LRP1B: variants seen among roughly 807,000 people sequenced by gnomAD.
LRP1B encodes LDL receptor related protein 1B.
LRP1B carries 217 observed loss-of-function variants against 556.6 expected under a neutral mutation model. That is an observed-to-expected ratio of 0.39 (90% CI 0.35 to 0.44). The LOEUF is 0.44. Among genes scored for constraint, LRP1B ranks in the 20% least tolerant of loss-of-function variants. The pLI is 1.00. For synonymous variants in LRP1B, 2,047 were observed against 1,865.8 expected (o/e 1.10, Z -2.50); for missense variants, 5,053 against 5,620.8 (o/e 0.90, Z 3.23).
intron 3 of LRP1B, among the ~76,000 whole-genome samples, chr2:141,311,037 A>G (rs1175394934): frequency 6.6e-6 from 1 of 152,124 alleles, no homozygotes; most frequent in Non-Finnish European, 1.5e-5. Flanking sequence ...TTTTATTTTT[A>G]TCCTTCTATC....
At chr2:140,729,921 A>G (rs1243010294) in intron 35 of LRP1B, among the ~76,000 whole-genome samples, 1 of 152,184 alleles carries the variant, frequency 6.6e-6, no homozygotes, top group Non-Finnish European at 1.5e-5. Context: ...ATGTCACTAA[A>G]TGAACCTATC....
chr2:141,616,598 TAATTC>T (rs1282884569), intron 2 of LRP1B, among the ~76,000 whole-genome samples: 3 of 152,262 alleles, frequency 2.0e-5, no homozygotes, highest in Non-Finnish European at 2.9e-5. Context: ...ATTATTACTT[TAATTC>T]ATGTGAAAAT....
intron 2 of LRP1B, among the ~76,000 whole-genome samples, chr2:141,566,498 G>A (rs1050975870): frequency 9.9e-5 from 15 of 152,122 alleles, no homozygotes; most frequent in Non-Finnish European, 1.5e-5. Context: ...TCTTCTATCA[G>A]TGTAACTGGC....
chr2:141,937,415 T>A (rs1348864247), intron 1 of LRP1B, among the ~76,000 whole-genome samples: 1 of 150,784 alleles, frequency 6.6e-6, no homozygotes, highest in South Asian at 2.1e-4. Flanking sequence ...AAATAAAAAA[T>A]AAAAATATAA....
In LRP1B at chr2:140,714,118, A is replaced by C. The variant is rs75636634; in HGVS notation, c.6023+1855T>G. Among the ~76,000 whole-genome samples, 991 of 152,296 alleles carry C rather than the reference A, an allele frequency of 6.5e-3. 5 individuals carry two copies. The highest frequency in any genetic ancestry group is 0.023 in the African/African-American group (943 of 41,572). On this transcript the variant is annotated intron_variant, in intron 37 of 90. Transcript: ENST00000389484. ...ACTTGTTTGAATTTTCAGTTTAAAC[A>C]GAAAACTCATTGTGAATAGAGGCAA...
chr2:141,269,150 A>G (rs899458467), intron 3 of LRP1B, among the ~76,000 whole-genome samples: 2 of 152,238 alleles, frequency 1.3e-5, no homozygotes, highest in African/African-American at 2.4e-5. Context: ...GTAACAGAGC[A>G]TGGGAAAGCT....
chr2:142,022,847 AT>A (rs993419932), intron 1 of LRP1B, among the ~76,000 whole-genome samples: 2 of 150,982 alleles, frequency 1.3e-5, no homozygotes, highest in African/African-American at 2.4e-5. Flanking sequence ...ATTTTTTTAA[AT>A]TTTTTTTTAG....
rs571878062 is a variant in LRP1B at position 141,803,263 on chromosome 2, T to A, written c.205+7016A>T. Among the ~76,000 whole-genome samples the A allele has an allele frequency of 3.0e-4, 45 of 151,372 alleles. 1 individual carries two copies. The highest frequency in any genetic ancestry group is 3.4e-3 in the Middle Eastern group (1 of 294). On this transcript the variant is annotated intron_variant, in intron 2 of 90. Coordinates refer to ENST00000389484, the MANE Select transcript of LRP1B (RefSeq NM_018557.3). ...AGGCAGACTCTCAGAGACCCATTAG[T>A]GCATTGTGAGAGCAGAATGAGGAGT...
At chr2:140,876,805 T>C (rs576424792) in intron 25 of LRP1B, among the ~76,000 whole-genome samples, 17 of 152,120 alleles carry the variant, frequency 1.1e-4, no homozygotes, top group African/African-American at 4.1e-4. Context: ...ATGTGAAAAA[T>C]ATTTTTTTTT....
intron 79 of LRP1B, among the ~76,000 whole-genome samples, chr2:140,327,127 G>C (rs1680530595): frequency 6.6e-6 from 1 of 152,068 alleles, no homozygotes; most frequent in Non-Finnish European, 1.5e-5. Flanking sequence ...CAACTGAAGA[G>C]TGTTCCCAAT....
At chr2:141,975,280 T>A (rs931960582) in intron 1 of LRP1B, among the ~76,000 whole-genome samples, 4 of 152,122 alleles carry the variant, frequency 2.6e-5, no homozygotes, top group African/African-American at 9.7e-5. Flanking sequence ...ATTTGCCTTC[T>A]AAAGGAATAA....
chr2:141,144,416 T>C (rs1027350673), intron 7 of LRP1B, among the ~76,000 whole-genome samples: 3 of 152,206 alleles, frequency 2.0e-5, no homozygotes, highest in African/African-American at 7.2e-5. Flanking sequence ...AGAGTAAACT[T>C]GATCATTTCA....
intron 1 of LRP1B, among the ~76,000 whole-genome samples, chr2:141,928,579 C>T (rs894476353): frequency 6.6e-6 from 1 of 152,130 alleles, no homozygotes; most frequent in African/African-American, 2.4e-5. Flanking sequence ...GGCAGACATT[C>T]TGAGTCAAAC....
At chr2:140,345,878 A>ATATATAT (rs200833593) in intron 77 of LRP1B, among the ~76,000 whole-genome samples, 12 of 140,328 alleles carry the variant, frequency 8.6e-5, no homozygotes, top group African/African-American at 2.3e-4. Context: ...ATATATATAT[A>ATATATAT]AAAAAAATAG....
chr2:141,702,704 G>A (rs183256236), intron 2 of LRP1B, among the ~76,000 whole-genome samples: 5 of 151,750 alleles, frequency 3.3e-5, no homozygotes, highest in African/African-American at 1.2e-4. Context: ...TTTGCAAGAT[G>A]GATTATTGAA....
chr2:140,748,301 CATATATTATATTCATATATAAT>C (rs70988424), intron 35 of LRP1B, among the ~76,000 whole-genome samples: 5 of 110,922 alleles, frequency 4.5e-5, no homozygotes, highest in South Asian at 2.7e-4. Context: ...TATATATATT[CATATATTATATTCATATATAAT>C]ATATATTATA....
At chr2:140,738,194 G>A (rs897180223) in intron 35 of LRP1B, among the ~76,000 whole-genome samples, 6 of 152,144 alleles carry the variant, frequency 3.9e-5, no homozygotes, top group Non-Finnish European at 1.5e-5. Flanking sequence ...ATCAGCAGGT[G>A]AAAAGAGGTG....
intron 7 of LRP1B, among the ~76,000 whole-genome samples, chr2:141,103,365 C>T (rs1882639): frequency 0.36 from 55,080 of 151,820 alleles, 10,480 homozygotes; most frequent in East Asian, 0.66. Context: ...ACTTGTTTTA[C>T]GCAGTGTCAC....
chr2:141,121,715 T>C (rs997988169), intron 7 of LRP1B, among the ~76,000 whole-genome samples: 2 of 152,114 alleles, frequency 1.3e-5, no homozygotes, highest in African/African-American at 2.4e-5. Context: ...CATCAAGCTA[T>C]CAATGACCTT....
Sources: gnomAD v4.1 joint callset for allele counts (sites outside exome capture counted in the v4.1 genomes callset) on GRCh38, gnomAD v4.1.1 for gene constraint, MANE v1.5 for transcripts, NCBI Gene and HGNC (gene_info 2026-07-23, HGNC 2026-07-21) for gene names.